Variants in PTPRD observed in about 807,000 individuals in gnomAD.
The protein encoded by PTPRD is protein tyrosine phosphatase receptor type D.
A neutral mutation model predicts 214.5 loss-of-function variants in PTPRD; 34 were observed. That is an observed-to-expected ratio of 0.16 (90% CI 0.12 to 0.21). The LOEUF is 0.21. PTPRD is among the 10% of genes least tolerant of loss of function. The probability of loss-of-function intolerance (pLI) is 1.00; values close to 1 mark genes in which losing one functional copy is unlikely to be tolerated. For missense variants in PTPRD, 2,545 were observed against 2,398.7 expected (o/e 1.06, Z -1.27); for synonymous variants, 1,128 against 845.7 (o/e 1.33, Z -5.79).
intron 11 of PTPRD, among the ~76,000 whole-genome samples, chr9:8,894,012 A>G (rs1250541362): frequency 6.6e-6 from 1 of 152,158 alleles, no homozygotes; most frequent in South Asian, 2.1e-4. Context: ...TATTTTGTAA[A>G]GCACACCCGA....
intron 39 of PTPRD, among the ~76,000 whole-genome samples, chr9:8,349,212 G>A (rs2074727899): frequency 6.6e-6 from 1 of 152,022 alleles, no homozygotes; most frequent in Non-Finnish European, 1.5e-5. Context: ...AACAACCTGT[G>A]CTTATGCTTC....
Position 9,653,878 on chromosome 9 carries a change from G to C in PTPRD, c.-286-79097C>G, listed in dbSNP as rs1038718863. Among the ~76,000 whole-genome samples, 5 of 152,076 alleles carry C rather than the reference G, an allele frequency of 3.3e-5. 1 individual carries two copies. Among genetic ancestry groups the C allele is most frequent in the Non-Finnish European group, 7.4e-5 (5 of 67,994 alleles). ...TTTCTTGCTCCCTTATGAAAGTCTT[G>C]AAATCTATTATTATTTTCAATGGAA... On this transcript the variant is annotated intron_variant, in intron 7 of 45. Transcript: ENST00000381196.
At chr9:9,326,287 G>A (rs2039858662) in intron 9 of PTPRD, among the ~76,000 whole-genome samples, 1 of 152,116 alleles carries the variant, frequency 6.6e-6, no homozygotes. Flanking sequence ...GATAATTCAT[G>A]TGGATAATAG....
intron 9 of PTPRD, among the ~76,000 whole-genome samples, chr9:9,370,082 T>A (rs901730626): frequency 1.3e-5 from 2 of 152,186 alleles, no homozygotes; most frequent in Non-Finnish European, 2.9e-5. Flanking sequence ...TAGGATTGAC[T>A]TGGCGATGCG....
chr9:10,271,259 T>C (rs1482323797), intron 3 of PTPRD, among the ~76,000 whole-genome samples: 1 of 152,174 alleles, frequency 6.6e-6, no homozygotes, highest in Non-Finnish European at 1.5e-5. Context: ...ATAATTGATA[T>C]GTTTTTGGAA....
At chr9:8,533,261 C>T (rs901692466) in intron 14 of PTPRD, among the ~76,000 whole-genome samples, 1 of 152,000 alleles carries the variant, frequency 6.6e-6, no homozygotes, top group Non-Finnish European at 1.5e-5. Context: ...CTCTTCTTGC[C>T]TAATCTTGCT....
chr9:8,748,190 C>G (rs7862573), intron 11 of PTPRD, among the ~76,000 whole-genome samples: 11,192 of 152,036 alleles, frequency 0.074, 1,109 homozygotes, highest in African/African-American at 0.23. Flanking sequence ...CTGTTGAGAG[C>G]GGGGACTGAG....
At chr9:10,190,494 G>A (rs2099359011) in intron 3 of PTPRD, among the ~76,000 whole-genome samples, 1 of 149,132 alleles carries the variant, frequency 6.7e-6, no homozygotes, top group Non-Finnish European at 1.5e-5. Flanking sequence ...GAGGCAGGTG[G>A]ATCACCTGAG....
intron 3 of PTPRD, among the ~76,000 whole-genome samples, chr9:10,287,258 A>C (rs10809060): frequency 0.24 from 35,763 of 152,076 alleles, 4,584 homozygotes; most frequent in South Asian, 0.38. Context: ...CTTTTAGATA[A>C]AGATTTCTCA....
intron 8 of PTPRD, among the ~76,000 whole-genome samples, chr9:9,471,202 T>G (rs1011104751): frequency 2.0e-5 from 3 of 152,234 alleles, no homozygotes; most frequent in African/African-American, 7.2e-5. Flanking sequence ...TTTGACTACA[T>G]TTGTGTGCAT....
At chr9:8,672,459 G>C (rs558212098) in intron 12 of PTPRD, among the ~76,000 whole-genome samples, 2 of 151,982 alleles carry the variant, frequency 1.3e-5, no homozygotes, top group Non-Finnish European at 2.9e-5. Context: ...GTAATCTTTC[G>C]TGCTTTATTA....
intron 5 of PTPRD, among the ~76,000 whole-genome samples, chr9:9,927,986 T>G (rs923104484): frequency 3.8e-5 from 5 of 132,538 alleles, no homozygotes; most frequent in Non-Finnish European, 8.3e-5. Context: ...ATAAAACTTG[T>G]TTTTATGTAT....
intron 10 of PTPRD, among the ~76,000 whole-genome samples, chr9:9,112,789 T>C (rs2154452304): frequency 1.3e-5 from 2 of 152,266 alleles, no homozygotes; most frequent in East Asian, 3.9e-4. Context: ...CTATTTCCAA[T>C]GAGATAACAT....
At chr9:9,542,157 T>C (rs2077733683) in intron 8 of PTPRD, among the ~76,000 whole-genome samples, 1 of 151,652 alleles carries the variant, frequency 6.6e-6, no homozygotes, top group African/African-American at 2.4e-5. Context: ...AAGAACACAA[T>C]CTACTGCTAT....
chr9:10,199,561 G>A (rs953100590), intron 3 of PTPRD, among the ~76,000 whole-genome samples: 4 of 152,082 alleles, frequency 2.6e-5, no homozygotes, highest in African/African-American at 7.2e-5. Flanking sequence ...ATGGGTGAGG[G>A]CTCTGTACAG....
At chr9:9,652,083 C>A (rs902071948) in intron 7 of PTPRD, among the ~76,000 whole-genome samples, 2 of 151,884 alleles carry the variant, frequency 1.3e-5, no homozygotes, top group Non-Finnish European at 2.9e-5. Context: ...CCTCGTGATC[C>A]GCCTGCCTTG....
intron 43 of PTPRD, among the ~76,000 whole-genome samples, chr9:8,332,188 C>T (rs1269694582): frequency 1.3e-5 from 2 of 152,146 alleles, no homozygotes; most frequent in East Asian, 3.9e-4. Context: ...AGCACCTAGG[C>T]ATGTCATCCA....
chr9:10,535,233 A>G (rs2057469809), intron 2 of PTPRD, among the ~76,000 whole-genome samples: 1 of 152,130 alleles, frequency 6.6e-6, no homozygotes, highest in African/African-American at 2.4e-5. Context: ...TGAATACTGG[A>G]TTTCAGTCAG....
Position 8,319,885 on chromosome 9 carries a change from G to A in PTPRD, c.5616C>T (p.Ile1872=), listed in dbSNP as rs749294382. 4.3e-6 allele frequency: 7 copies of A among 1,613,016 alleles called. No homozygotes were observed. The highest frequency in any genetic ancestry group is 1.1e-5 in the South Asian group (1 of 91,062). The part of the protein sequence containing the change: ...ERMRYEGVVD[I]FQTVKMLRTQ... ...TTCTTAACATTTTGACAGTCTGGAAGATATCTACAACTCCTTCATATCTCA... is the reference window on the plus strand; with the variant it reads ...TTCTTAACATTTTGACAGTCTGGAAAATATCTACAACTCCTTCATATCTCA... The change falls in exon 45 of 46, where the codon ATC becomes ATT. Residue 1872 remains isoleucine (I), a synonymous_variant. Coordinates refer to ENST00000381196, the MANE Select transcript of PTPRD (RefSeq NM_002839.4).
Sources: allele counts gnomAD v4.1 joint callset (sites outside exome capture counted in the v4.1 genomes callset), GRCh38; gene constraint gnomAD v4.1.1; transcripts MANE v1.5; gene names NCBI Gene and HGNC (gene_info 2026-07-23, HGNC 2026-07-21).